The following N4BP1 variants were observed in gnomAD, a reference collection of about 807,000 sequenced individuals.
The protein encoded by N4BP1 is NEDD4-binding protein 1.
In N4BP1, 21 loss-of-function variants were observed where a neutral mutation model predicts 70.9. That is an observed-to-expected ratio of 0.30 (90% CI 0.21 to 0.43). The LOEUF is 0.43. Ranked by LOEUF, N4BP1 falls within the 20% of genes least tolerant of loss-of-function variation. The pLI is 1.00. For synonymous variants in N4BP1, 387 were observed against 394.6 expected (o/e 0.98, Z 0.23); for missense variants, 936 against 1,069.4 (o/e 0.88, Z 1.74).
intron 1 of N4BP1, among the ~76,000 whole-genome samples, chr16:48,569,124 T>C (rs911694272): frequency 1.3e-5 from 2 of 152,236 alleles, no homozygotes; most frequent in South Asian, 2.1e-4. Flanking sequence ...GTCAAATAAT[T>C]GCAACATCTA....
intron 1 of N4BP1, among the ~76,000 whole-genome samples, chr16:48,564,767 T>C (rs969130575): frequency 4.6e-5 from 7 of 152,226 alleles, no homozygotes; most frequent in African/African-American, 1.4e-4. Flanking sequence ...TGAGCATAAC[T>C]GACATCTGCT....
rs1463402058 is a variant in N4BP1 at position 48,551,463 on chromosome 16, C to T, written c.2040G>A (p.Gln680=). ...AAGATAATATTCCGAGCTCCTGGAGCTGGGTTAAGAAGTGCTGTTCTGTTC... is the reference window on the plus strand; with the variant it reads ...AAGATAATATTCCGAGCTCCTGGAGTTGGGTTAAGAAGTGCTGTTCTGTTC... ...PNVTEQHFLT[Q]LQELGILSLT... Residue 680 remains glutamine (Q), a synonymous_variant, in exon 4 of 7, where the codon CAG becomes CAA. Coordinates refer to ENST00000262384, the MANE Select transcript of N4BP1 (RefSeq NM_153029.4). 1.2e-6 allele frequency: 2 copies of T among 1,613,350 alleles called. No homozygotes were observed. The highest frequency in any genetic ancestry group is 3.3e-5 in the Admixed American group (2 of 60,006).
Position 48,561,204 on chromosome 16 carries a change from T to C in N4BP1, c.1439A>G (p.Asn480Ser), listed in dbSNP as rs767895000. 12 of 1,613,900 alleles carry C rather than the reference T, an allele frequency of 7.4e-6. No homozygotes were observed. In the African/African-American group the frequency reaches 1.1e-4, roughly 14 times the overall value. The change falls in exon 2 of 7, where the codon AAC (asparagine) becomes AGC (serine). Residue 480 changes from asparagine (N) to serine (S), a missense_variant. Physicochemically the swap from Asn to Ser is conservative, Grantham distance 46. Coordinates refer to ENST00000262384, the MANE Select transcript of N4BP1 (RefSeq NM_153029.4). ...TTCAGGGTCTGTGTTACAAATGTAG[T>C]TCTGGTTTGAACCCCAGACTTCATG... Reference protein sequence around the residue: ...QKHEVWGSNQNYICNTDPETD... With the variant: ...QKHEVWGSNQSYICNTDPETD...
At chr16:48,554,437 A>G (rs1414156274) in intron 2 of N4BP1, among the ~76,000 whole-genome samples, 2 of 152,176 alleles carry the variant, frequency 1.3e-5, no homozygotes, top group Non-Finnish European at 2.9e-5. Context: ...CCCTCCATCC[A>G]TAACACATTT....
intron 1 of N4BP1, among the ~76,000 whole-genome samples, chr16:48,596,329 C>T (rs79676426): frequency 0.02 from 3,121 of 152,250 alleles, 50 homozygotes; most frequent in Non-Finnish European, 0.033. Context: ...TGTACTAAAA[C>T]CATAGATGAG....
intron 1 of N4BP1, among the ~76,000 whole-genome samples, chr16:48,591,243 C>T (rs1001456002): frequency 1.2e-4 from 19 of 152,150 alleles, no homozygotes; most frequent in African/African-American, 3.9e-4. Flanking sequence ...TTCTTGGCTT[C>T]GGAAATGATT....
chr16:48,575,298 T>C (rs535002564), intron 1 of N4BP1, among the ~76,000 whole-genome samples: 3 of 152,354 alleles, frequency 2.0e-5, no homozygotes, highest in Admixed American at 2.0e-4. Context: ...ACATTTTTAA[T>C]GTTAGTTAAA....
At chr16:48,595,768 G>C (rs1255011684) in intron 1 of N4BP1, among the ~76,000 whole-genome samples, 1 of 152,196 alleles carries the variant, frequency 6.6e-6, no homozygotes, top group African/African-American at 2.4e-5. Context: ...ACCAATAAAA[G>C]CCCCTTGGGA....
At chr16:48,596,469 G>C (rs1163848704) in intron 1 of N4BP1, among the ~76,000 whole-genome samples, 1 of 152,168 alleles carries the variant, frequency 6.6e-6, no homozygotes, top group East Asian at 1.9e-4. Flanking sequence ...GCCCAGTTAG[G>C]AGAAAGCAGC....
In N4BP1 at chr16:48,609,986, T is replaced by A; in HGVS notation, c.-14A>T. The A allele has an allele frequency of 8.4e-7, 1 of 1,187,940 alleles. No individual in the cohort carries two copies. Among genetic ancestry groups the A allele is most frequent in the Non-Finnish European group, 1.0e-6 (1 of 960,236 alleles). The allele number at this position is 1,187,940 out of a possible 1,614,324, so 73.6% of individuals were successfully genotyped here. ...CCGGGCCGCCATGGCGGGCGCGGCCTCCCGCGGCGGCGCCGGGGGCCGGCG... is the reference window on the plus strand; with the variant it reads ...CCGGGCCGCCATGGCGGGCGCGGCCACCCGCGGCGGCGCCGGGGGCCGGCG... On this transcript the variant is annotated 5_prime_UTR_variant, in exon 1 of 7. Transcript: ENST00000262384.
chr16:48,591,228 T>C (rs1447913938), intron 1 of N4BP1, among the ~76,000 whole-genome samples: 1 of 152,214 alleles, frequency 6.6e-6, no homozygotes, highest in African/African-American at 2.4e-5. Flanking sequence ...GCAGCCCAGG[T>C]TGAATTCTTG....
intron 1 of N4BP1, among the ~76,000 whole-genome samples, chr16:48,568,386 A>T (rs1205894966): frequency 2.6e-5 from 4 of 152,226 alleles, no homozygotes; most frequent in Non-Finnish European, 5.9e-5. Context: ...CCATCAGACA[A>T]CATTATAATT....
At chr16:48,552,578 G>A (rs1034609325) in intron 3 of N4BP1, among the ~76,000 whole-genome samples, 4 of 151,064 alleles carry the variant, frequency 2.6e-5, no homozygotes, top group African/African-American at 9.7e-5. Flanking sequence ...CGTGCCTGCA[G>A]TCCCAGCTAC....
rs1318365826 is a variant in N4BP1 at position 48,561,170 on chromosome 16, G to T, written c.1473C>A (p.Gly491=). ...TTGGAGAGGCAACAGAAGGTGAAAG[G>T]CCATCAGTTTCAGGGTCTGTGTTAC... The part of the protein sequence containing the change: ...YICNTDPETD[G]LSPSVASPSP... Residue 491 remains glycine (G), a synonymous_variant, in exon 2 of 7, where the codon GGC becomes GGA. Transcript: ENST00000262384. 6.2e-7 allele frequency: 1 copy of T among 1,613,872 alleles called. No individual in the cohort carries two copies. The highest frequency in any genetic ancestry group is 1.3e-5 in the African/African-American group (1 of 74,910).
At chr16:48,565,084 T>C (rs865987064) in intron 1 of N4BP1, among the ~76,000 whole-genome samples, 1 of 152,358 alleles carries the variant, frequency 6.6e-6, no homozygotes. Context: ...TGTAGTTTCC[T>C]GGGGAATTCC....
At chr16:48,557,166 C>T (rs1213611668) in intron 2 of N4BP1, among the ~76,000 whole-genome samples, 1 of 152,110 alleles carries the variant, frequency 6.6e-6, no homozygotes, top group Non-Finnish European at 1.5e-5. Flanking sequence ...AAAAATACAT[C>T]GAAGGGTGGG....
intron 1 of N4BP1, among the ~76,000 whole-genome samples, chr16:48,591,886 G>GTTTT (rs1555499240): frequency 1.8e-5 from 2 of 112,074 alleles, no homozygotes; most frequent in Non-Finnish European, 1.9e-5. Flanking sequence ...GTTACCTGAC[G>GTTTT]TTTTTTTTTT....
chr16:48,608,521 C>G (rs1031131491), intron 1 of N4BP1, among the ~76,000 whole-genome samples: 1 of 152,124 alleles, frequency 6.6e-6, no homozygotes, highest in Non-Finnish European at 1.5e-5. Context: ...ATATGAGAGG[C>G]AAGTATCAAG....
chr16:48,557,803 A>G (rs1488841295), intron 2 of N4BP1, among the ~76,000 whole-genome samples: 1 of 152,182 alleles, frequency 6.6e-6, no homozygotes, highest in Non-Finnish European at 1.5e-5. Flanking sequence ...TAATTCATCA[A>G]CAAGTTTTTA....
Sources: allele counts gnomAD v4.1 joint callset (sites outside exome capture counted in the v4.1 genomes callset), GRCh38; gene constraint gnomAD v4.1.1; transcripts MANE v1.5; gene names NCBI Gene and HGNC (gene_info 2026-07-23, HGNC 2026-07-21).